Variants in DLGAP2 observed in about 807,000 individuals in gnomAD.
DLGAP2 encodes the protein disks large-associated protein 2.
A neutral mutation model predicts 100.3 loss-of-function variants in DLGAP2; 26 were observed. The ratio of observed to expected loss-of-function variants is 0.26; its 90% CI spans 0.19 to 0.36. DLGAP2 has a LOEUF of 0.36. DLGAP2 is among the 10% of genes least tolerant of loss of function. The pLI, the probability that DLGAP2 is intolerant of heterozygous loss-of-function variation, is 1.00. For synonymous variants in DLGAP2, 886 were observed against 630.1 expected (o/e 1.41, Z -6.08); for missense variants, 1,858 against 1,453.2 (o/e 1.28, Z -4.53).
intron 3 of DLGAP2, among the ~76,000 whole-genome samples, chr8:1,465,601 G>T (rs149207007): frequency 6.6e-6 from 1 of 152,208 alleles, no homozygotes. Context: ...ACCTCCACGG[G>T]TTCAGGTGTC....
intron 2 of DLGAP2, among the ~76,000 whole-genome samples, chr8:1,060,185 T>G (rs1803034131): frequency 6.6e-6 from 1 of 152,168 alleles, no homozygotes; most frequent in South Asian, 2.1e-4. Flanking sequence ...GTGGCCACCG[T>G]CATGAAGACC....
chr8:1,544,821 C>G (rs945363969), intron 4 of DLGAP2, among the ~76,000 whole-genome samples: 2 of 151,780 alleles, frequency 1.3e-5, no homozygotes, highest in Non-Finnish European at 2.9e-5. Context: ...CAACTTCTGC[C>G]TCCCGGGTTC....
intron 2 of DLGAP2, among the ~76,000 whole-genome samples, chr8:1,173,096 A>G (rs529343023): frequency 1.8e-4 from 28 of 152,264 alleles, no homozygotes; most frequent in South Asian, 1.0e-3. Flanking sequence ...TTTTCCTTCT[A>G]AGAGACAGGA....
intron 1 of DLGAP2, among the ~76,000 whole-genome samples, chr8:742,206 G>A (rs141769022): frequency 1.7e-4 from 26 of 152,224 alleles, no homozygotes; most frequent in Admixed American, 3.9e-4. Flanking sequence ...TTCATCTTCG[G>A]GTACTGTTTC....
At chr8:1,355,253 C>T (rs564414382) in intron 3 of DLGAP2, among the ~76,000 whole-genome samples, 1 of 152,394 alleles carries the variant, frequency 6.6e-6, no homozygotes, top group South Asian at 2.1e-4. Flanking sequence ...GTGTGCACAG[C>T]ACAGGCAGAG....
At chr8:745,384 C>T (rs1191154482) in intron 1 of DLGAP2, among the ~76,000 whole-genome samples, 1 of 152,190 alleles carries the variant, frequency 6.6e-6, no homozygotes, top group Non-Finnish European at 1.5e-5. Context: ...TCTAGGTTGT[C>T]ACTATAATTA....
chr8:1,112,895 G>A (rs911181376), intron 2 of DLGAP2, among the ~76,000 whole-genome samples: 1 of 152,154 alleles, frequency 6.6e-6, no homozygotes, highest in African/African-American at 2.4e-5. Context: ...GCATAAGGAA[G>A]GGGTCCAGCT....
chr8:845,220 A>C lies in DLGAP2; in HGVS notation c.19-62692A>C, dbSNP rs149688222. 3.4e-3 allele frequency among the ~76,000 whole-genome samples: 518 copies of C among 152,224 alleles called. 2 individuals carry two copies. Among genetic ancestry groups the C allele is most frequent in the African/African-American group, 0.012 (500 of 41,534 alleles). On this transcript the variant is annotated intron_variant, in intron 1 of 14. Coordinates refer to ENST00000637795, the MANE Select transcript of DLGAP2 (RefSeq NM_001346810.2). The stretch of plus-strand genomic sequence containing the variant: ...TTTGAACATTTTCAGGACGTTTCAG[A>C]CTGTTTTCCAAAGTTGCAGCATGAG...
intron 2 of DLGAP2, among the ~76,000 whole-genome samples, chr8:1,251,225 A>T (rs1799033115): frequency 6.6e-6 from 1 of 152,202 alleles, no homozygotes; most frequent in South Asian, 2.1e-4. Context: ...GCATTTATAA[A>T]TATACATGAC....
At chr8:1,142,463 C>T (rs1182488528) in intron 2 of DLGAP2, among the ~76,000 whole-genome samples, 1 of 152,142 alleles carries the variant, frequency 6.6e-6, no homozygotes, top group Non-Finnish European at 1.5e-5. Flanking sequence ...AGCCAGTGTT[C>T]CCTTATGGCT....
At chr8:1,306,111 A>T (rs575167467) in intron 3 of DLGAP2, among the ~76,000 whole-genome samples, 1 of 146,612 alleles carries the variant, frequency 6.8e-6, no homozygotes, top group South Asian at 2.2e-4. Flanking sequence ...GAGAAAAAAT[A>T]GAAAATCATC....
chr8:770,272 T>A (rs573149869), intron 1 of DLGAP2, among the ~76,000 whole-genome samples: 1 of 152,116 alleles, frequency 6.6e-6, no homozygotes, highest in South Asian at 2.1e-4. Flanking sequence ...GTGGCGTGCG[T>A]GGCTCAGAGG....
At chr8:1,328,709 T>G (rs1801079817) in intron 3 of DLGAP2, among the ~76,000 whole-genome samples, 1 of 152,142 alleles carries the variant, frequency 6.6e-6, no homozygotes, top group South Asian at 2.1e-4. Context: ...TAAAAACTCG[T>G]AGTAAAGACA....
At chr8:1,495,423 G>A (rs1045273584) in intron 3 of DLGAP2, among the ~76,000 whole-genome samples, 2 of 152,154 alleles carry the variant, frequency 1.3e-5, no homozygotes, top group Non-Finnish European at 2.9e-5. Flanking sequence ...CTTCTGCTGT[G>A]CTGCTCTGAG....
intron 13 of DLGAP2, among the ~76,000 whole-genome samples, chr8:1,692,788 G>A (rs2130878627): frequency 6.6e-6 from 1 of 151,918 alleles, no homozygotes; most frequent in South Asian, 2.1e-4. Context: ...TAATACAGTT[G>A]ACGTTAAACT....
At chr8:1,343,038 C>A (rs1026091709) in intron 3 of DLGAP2, among the ~76,000 whole-genome samples, 1 of 152,212 alleles carries the variant, frequency 6.6e-6, no homozygotes, top group Non-Finnish European at 1.5e-5. Flanking sequence ...ACATTAATTT[C>A]TGTACTTTTT....
intron 2 of DLGAP2, among the ~76,000 whole-genome samples, chr8:1,094,955 T>C (rs1428560114): frequency 6.6e-6 from 1 of 152,196 alleles, no homozygotes; most frequent in Admixed American, 6.5e-5. Flanking sequence ...GAAGGACAGC[T>C]CTGCTCTTCA....
chr8:1,077,505 C>T (rs1320048522), intron 2 of DLGAP2, among the ~76,000 whole-genome samples: 4 of 152,180 alleles, frequency 2.6e-5, no homozygotes, highest in Non-Finnish European at 4.4e-5. Context: ...AGGTGAACAT[C>T]ACTGGACCCC....
Position 1,416,724 on chromosome 8 carries a change from C to T in DLGAP2, c.107-84642C>T, listed in dbSNP as rs555732185. On this transcript the variant is annotated intron_variant, in intron 3 of 14. Coordinates refer to ENST00000637795, the MANE Select transcript of DLGAP2 (RefSeq NM_001346810.2). ...ATAAGTAAAACAAGGAATCAAAAAC[C>T]AGGTAGTAAGAAAAGGAATCGGACG... 2.2e-4 allele frequency among the ~76,000 whole-genome samples: 34 copies of T among 152,212 alleles called. 1 individual carries two copies. The highest frequency in any genetic ancestry group is 7.0e-4 in the African/African-American group (29 of 41,544).
Sources: allele counts gnomAD v4.1 joint callset (sites outside exome capture counted in the v4.1 genomes callset), GRCh38; gene constraint gnomAD v4.1.1; transcripts MANE v1.5; gene names NCBI Gene and HGNC (gene_info 2026-07-23, HGNC 2026-07-21).